Variants in LPAR3 observed in about 807,000 individuals in gnomAD.
The protein encoded by LPAR3 is LPA receptor 3.
A neutral mutation model predicts 17.8 loss-of-function variants in LPAR3; 7 were observed. The observed-to-expected ratio is 0.39, with a 90% confidence interval of 0.22 to 0.74. LPAR3 has a LOEUF of 0.74. Among genes scored for constraint, LPAR3 ranks in the 30% least tolerant of loss-of-function variants. The probability of loss-of-function intolerance (pLI) is 0.40; values close to 1 mark genes in which losing one functional copy is unlikely to be tolerated. For synonymous variants in LPAR3, 179 were observed against 179.9 expected, an observed-to-expected ratio of 0.99 and a Z score of 0.04; for missense variants, 391 against 453.4, an observed-to-expected ratio of 0.86 and a Z score of 1.25.
chr1:84,860,901 G>C (rs1344190186), intron 2 of LPAR3, among the ~76,000 whole-genome samples: 1 of 151,970 alleles, frequency 6.6e-6, no homozygotes, highest in Non-Finnish European at 1.5e-5. Context: ...ATCAAACCCA[G>C]CTAATTTTTG....
chr1:84,871,598 C>T (rs1478295228), intron 1 of LPAR3, among the ~76,000 whole-genome samples: 1 of 152,160 alleles, frequency 6.6e-6, no homozygotes, highest in African/African-American at 2.4e-5. Flanking sequence ...GAAACTCTAT[C>T]CAGATGGGAG....
chr1:84,890,384 A>G (rs1284951359), intron 1 of LPAR3, among the ~76,000 whole-genome samples: 1 of 152,252 alleles, frequency 6.6e-6, no homozygotes, highest in Non-Finnish European at 1.5e-5. Context: ...ATTTTTATCT[A>G]GGAGGAAAAG....
At chr1:84,840,904 C>A (rs552750049) in intron 2 of LPAR3, among the ~76,000 whole-genome samples, 2 of 152,184 alleles carry the variant, frequency 1.3e-5, no homozygotes, top group African/African-American at 2.4e-5. Flanking sequence ...GGAATAGAAA[C>A]CCCATTTCCT....
At position 84,865,604 on chromosome 1, in the gene LPAR3, T is replaced by C. The variant is rs1195643064; in HGVS notation, c.517A>G (p.Ile173Val). Residue 173 changes from isoleucine (I) to valine (V), a missense_variant, in exon 2 of 3, where the codon ATC becomes GTC. Physicochemically the swap from Ile to Val is conservative, Grantham distance 29. Coordinates refer to ENST00000370611, the MANE Select transcript of LPAR3 (RefSeq NM_012152.3). ...PTLGWNCLCN[I>V]SACSSLAPIY... ...GGGGCCAGGGAAGAGCAGGCAGAGA[T>C]GTTGCAGAGGCAATTCCAGCCCAGT... is the stretch of plus-strand genomic sequence containing the variant. The C allele has an allele frequency of 3.1e-6, 5 of 1,614,056 alleles. No homozygotes were observed. The East Asian group carries it at 8.9e-5, about 29-fold the overall frequency.
chr1:84,825,381 A>T (rs80189458), intron 2 of LPAR3, among the ~76,000 whole-genome samples: 1,659 of 152,306 alleles, frequency 0.011, 29 homozygotes, highest in African/African-American at 0.037. Context: ...CACTGGGAAT[A>T]GCAAGATAAG....
chr1:84,825,039 A>G (rs72718707), intron 2 of LPAR3, among the ~76,000 whole-genome samples: 4,626 of 152,276 alleles, frequency 0.03, 93 homozygotes, highest in South Asian at 0.068. Context: ...AGGCCATTCT[A>G]TTTCTCTGCT....
At chr1:84,859,300 T>C (rs1169070951) in intron 2 of LPAR3, among the ~76,000 whole-genome samples, 1 of 152,180 alleles carries the variant, frequency 6.6e-6, no homozygotes, top group Non-Finnish European at 1.5e-5. Flanking sequence ...TACTTTGCCT[T>C]CTTCCTCTCT....
rs535624968 is a variant in LPAR3, at chr1:84,866,040, T to A, written c.81A>T (p.Gly27=). 5.6e-6 allele frequency: 9 copies of A among 1,614,124 alleles called. No individual in the cohort carries two copies. The South Asian group carries it at 8.8e-5, about 16-fold the overall frequency. The change falls in exon 2 of 3, where the codon GGA becomes GGT. Residue 27 remains glycine, a synonymous_variant. Transcript: ENST00000370611. Reference sequence around the variant, plus strand: ...CACACAAAACAATCACAAGCTTTGTTCCTGTCCAGTCATCGACAGTATCAG... The same window carrying A: ...CACACAAAACAATCACAAGCTTTGTACCTGTCCAGTCATCGACAGTATCAG... ...SNTDTVDDWT[G]TKLVIVLCVG...
chr1:84,857,994 C>T (rs1427947438), intron 2 of LPAR3, among the ~76,000 whole-genome samples: 2 of 152,104 alleles, frequency 1.3e-5, no homozygotes, highest in Non-Finnish European at 2.9e-5. Flanking sequence ...TAAGTCCACT[C>T]GAATCTCCTT....
At chr1:84,866,214 C>G in intron 1 of LPAR3, 76 bp from the exon 2 acceptor site, 2 of 1,130,490 alleles carry the variant, frequency 1.8e-6, no homozygotes, top group Non-Finnish European at 2.5e-6. Flanking sequence ...TGTTTCTAAG[C>G]CCGTTCTGGC....
intron 2 of LPAR3, among the ~76,000 whole-genome samples, chr1:84,861,288 G>A (rs1402005637): frequency 6.6e-6 from 1 of 152,106 alleles, no homozygotes; most frequent in Admixed American, 6.5e-5. Flanking sequence ...TAGTATGTAG[G>A]GAACTGGGGG....
In LPAR3 at chr1:84,814,570, T is replaced by C. The variant is rs540107081; in HGVS notation, c.737-399A>G. Among the ~76,000 whole-genome samples, 3 of 152,328 alleles carry C rather than the reference T, an allele frequency of 2.0e-5. No homozygotes were observed. In the South Asian group the frequency reaches 6.2e-4, roughly 32 times the overall value. On this transcript the variant is annotated intron_variant, in intron 2 of 2. Coordinates refer to ENST00000370611, the MANE Select transcript of LPAR3 (RefSeq NM_012152.3). ...ACCAAGGCCCAATTCTAGGGGGAGA[T>C]GAGAGGAGAACTCTCTGACTCCAGG...
intron 2 of LPAR3, among the ~76,000 whole-genome samples, chr1:84,837,404 C>T (rs1303882546): frequency 6.6e-6 from 1 of 152,204 alleles, no homozygotes; most frequent in Non-Finnish European, 1.5e-5. Context: ...GCTAATCCCA[C>T]ATAGCCAGCA....
chr1:84,875,685 T>C (rs893227697), intron 1 of LPAR3, among the ~76,000 whole-genome samples: 2 of 152,234 alleles, frequency 1.3e-5, no homozygotes, highest in Admixed American at 6.5e-5. Flanking sequence ...GAAAATGAAC[T>C]AAGGCAAATT....
intron 2 of LPAR3, among the ~76,000 whole-genome samples, chr1:84,814,910 G>C (rs942621051): frequency 6.6e-6 from 1 of 152,100 alleles, no homozygotes; most frequent in African/African-American, 2.4e-5. Context: ...AGTCTCTTCT[G>C]AGTCTCTAGC....
At chr1:84,860,727 GGATTT>G (rs1170230553) in intron 2 of LPAR3, among the ~76,000 whole-genome samples, 1 of 145,402 alleles carries the variant, frequency 6.9e-6, no homozygotes, top group East Asian at 2.0e-4. Context: ...AGAAACTTTA[GGATTT>G]AATTTTTTTT....
At position 84,812,186 on chromosome 1, in the gene LPAR3, G is replaced by A. The variant is rs1207977588; in HGVS notation, c.*1660C>T. The A allele has an allele frequency of 3.3e-5, 5 of 152,066 alleles. No homozygotes were observed. The highest frequency in any genetic ancestry group is 7.4e-5 in the Non-Finnish European group (5 of 68,012). 9.4% of individuals were successfully genotyped at this position (152,066 alleles called of 1,614,324 possible). ...AGCTCATATTTCATTCTATATGGAA[G>A]GGATTCAGCCTGCTCTTCAATACAG... On this transcript the variant is annotated 3_prime_UTR_variant, in exon 3 of 3. Transcript: ENST00000370611.
rs150025663 is a variant in LPAR3, at chr1:84,882,982, C to T, written c.-19+10034G>A. Among the ~76,000 whole-genome samples, 605 of 152,322 alleles carry T rather than the reference C, an allele frequency of 4.0e-3. 1 individual carries two copies. Among genetic ancestry groups the T allele is most frequent in the African/African-American group, 0.014 (576 of 41,570 alleles). ...ACGGGGATAATAAAGGTAACTTCCT[C>T]CTAAGGCTGTTAGGAGATTTAAAGG... On this transcript the variant is annotated intron_variant, in intron 1 of 2. Coordinates refer to ENST00000370611, the MANE Select transcript of LPAR3 (RefSeq NM_012152.3).
chr1:84,866,034 C>T lies in LPAR3; in HGVS notation c.87G>A (p.Lys29=). 1 of 1,614,120 alleles carries T rather than the reference C, an allele frequency of 6.2e-7. No homozygotes were observed. Among genetic ancestry groups the T allele is most frequent in the Non-Finnish European group, 8.5e-7 (1 of 1,179,992 alleles). The change falls in exon 2 of 3, where the codon AAG becomes AAA. Residue 29 remains lysine (K), a synonymous_variant. Transcript: ENST00000370611. ...TCCCAACACACAAAACAATCACAAG[C>T]TTTGTTCCTGTCCAGTCATCGACAG... is the stretch of plus-strand genomic sequence containing the variant. ...TDTVDDWTGT[K]LVIVLCVGTF... is the part of the protein sequence containing the mutation.
Sources: allele counts gnomAD v4.1 joint callset (sites outside exome capture counted in the v4.1 genomes callset), GRCh38; gene constraint gnomAD v4.1.1; transcripts MANE v1.5; gene names NCBI Gene and HGNC (gene_info 2026-07-23, HGNC 2026-07-21).